THSD4: variants seen among roughly 807,000 people sequenced by gnomAD.
The protein encoded by THSD4 is thrombospondin type-1 domain-containing protein 4.
THSD4 carries 69 observed loss-of-function variants against 119.0 expected under a neutral mutation model. That is an observed-to-expected ratio of 0.58 (90% CI 0.48 to 0.71). The LOEUF (loss-of-function observed/expected upper bound fraction) is 0.71, where lower values mean the gene tolerates loss of function less well. Ranked by LOEUF, THSD4 falls within the 30% of genes least tolerant of loss-of-function variation. The pLI is 0.00. For synonymous variants in THSD4, 524 were observed against 540.4 expected, an observed-to-expected ratio of 0.97 and a Z score of 0.42; for missense variants, 1,393 against 1,391.1, an observed-to-expected ratio of 1.00 and a Z score of -0.02.
At chr15:71,756,779 C>G (rs1427896659) in intron 14 of THSD4, among the ~76,000 whole-genome samples, 1 of 152,082 alleles carries the variant, frequency 6.6e-6, no homozygotes, top group Non-Finnish European at 1.5e-5. Flanking sequence ...AAGCGAGAAC[C>G]TGTCTCGAAA....
intron 7 of THSD4, among the ~76,000 whole-genome samples, chr15:71,566,622 T>G (rs1426196681): frequency 6.6e-6 from 1 of 152,094 alleles, no homozygotes; most frequent in Non-Finnish European, 1.5e-5. Flanking sequence ...TAATTCCCCA[T>G]CCCTACCTTT....
intron 6 of THSD4, among the ~76,000 whole-genome samples, chr15:71,294,759 C>T (rs554379301): frequency 6.6e-6 from 1 of 152,208 alleles, no homozygotes; most frequent in South Asian, 2.1e-4. Context: ...AGATTTCTTT[C>T]CCTTGGCAAA....
chr15:71,718,897 G>A (rs933173552), intron 8 of THSD4, among the ~76,000 whole-genome samples: 1 of 152,184 alleles, frequency 6.6e-6, no homozygotes, highest in African/African-American at 2.4e-5. Context: ...GTATTGGCAT[G>A]TGTCTGACTG....
intron 7 of THSD4, among the ~76,000 whole-genome samples, chr15:71,508,358 C>T (rs956238627): frequency 6.6e-6 from 1 of 152,206 alleles, no homozygotes; most frequent in Admixed American, 6.5e-5. Context: ...GCAGGGAAAC[C>T]TGAGTCCAGC....
chr15:71,577,403 C>T (rs1457345617), intron 7 of THSD4, among the ~76,000 whole-genome samples: 1 of 152,186 alleles, frequency 6.6e-6, no homozygotes, highest in African/African-American at 2.4e-5. Context: ...ACATGTTAAA[C>T]ATGATGGCTA....
intron 1 of THSD4, among the ~76,000 whole-genome samples, chr15:71,129,702 T>C (rs1357798314): frequency 6.6e-6 from 1 of 152,192 alleles, no homozygotes; most frequent in Non-Finnish European, 1.5e-5. Flanking sequence ...GTCAAGGAAG[T>C]CAGACTAATT....
chr15:71,139,820 C>A (rs912613751), intron 1 of THSD4, among the ~76,000 whole-genome samples: 2 of 152,204 alleles, frequency 1.3e-5, no homozygotes, highest in Non-Finnish European at 2.9e-5. Context: ...GAGAACTCCA[C>A]CTTTATTAGA....
intron 8 of THSD4, among the ~76,000 whole-genome samples, chr15:71,703,890 C>T: frequency 6.6e-6 from 1 of 152,144 alleles, no homozygotes; most frequent in Non-Finnish European, 1.5e-5. Flanking sequence ...TGCTCTGTCG[C>T]CCAGGCTGGA....
At chr15:71,640,754 C>T (rs1251691223) in intron 7 of THSD4, among the ~76,000 whole-genome samples, 3 of 152,116 alleles carry the variant, frequency 2.0e-5, no homozygotes, top group Non-Finnish European at 1.5e-5. Context: ...GCTGTTACTG[C>T]CCAGTTTATC....
chr15:71,452,366 T>A (rs4502171), intron 7 of THSD4, among the ~76,000 whole-genome samples: 1 of 151,784 alleles, frequency 6.6e-6, no homozygotes, highest in African/African-American at 2.4e-5. Context: ...CCCCCAGGTG[T>A]TTCTACCCTG....
At chr15:71,378,084 T>A (rs2046174580) in intron 6 of THSD4, among the ~76,000 whole-genome samples, 1 of 152,250 alleles carries the variant, frequency 6.6e-6, no homozygotes, top group South Asian at 2.1e-4. Flanking sequence ...CACAGGGTAC[T>A]GCATCTAAGG....
chr15:71,440,263 A>G (rs923960795), intron 7 of THSD4, among the ~76,000 whole-genome samples: 16 of 152,194 alleles, frequency 1.1e-4, no homozygotes, highest in Non-Finnish European at 1.6e-4. Flanking sequence ...ACAAAACCTC[A>G]ATATAAGCTT....
intron 7 of THSD4, among the ~76,000 whole-genome samples, chr15:71,442,393 A>G (rs535065180): frequency 1.1e-3 from 159 of 149,156 alleles, no homozygotes; most frequent in African/African-American, 3.5e-3. Flanking sequence ...ACATGGTGAA[A>G]CCCTGTCTCT....
intron 7 of THSD4, among the ~76,000 whole-genome samples, chr15:71,600,807 C>T (rs943043068): frequency 4.0e-5 from 6 of 150,156 alleles, no homozygotes; most frequent in South Asian, 2.1e-4. Flanking sequence ...AGTGCTGTGG[C>T]GCAATCTCAG....
chr15:71,196,891 T>A (rs1320937262), intron 3 of THSD4, among the ~76,000 whole-genome samples: 1 of 151,230 alleles, frequency 6.6e-6, no homozygotes, highest in Non-Finnish European at 1.5e-5. Context: ...AGTGGAGGAG[T>A]TGGTTCCAGG....
At chr15:71,224,812 A>C (rs2044001728) in intron 4 of THSD4, among the ~76,000 whole-genome samples, 1 of 151,590 alleles carries the variant, frequency 6.6e-6, no homozygotes, top group Admixed American at 6.6e-5. Flanking sequence ...TTATCCTCCT[A>C]CCTCCCACTT....
intron 16 of THSD4, among the ~76,000 whole-genome samples, chr15:71,765,598 G>A (rs1567142475): frequency 1.3e-5 from 2 of 152,192 alleles, no homozygotes; most frequent in Non-Finnish European, 2.9e-5. Context: ...ATTCAAGGGT[G>A]CTGTTAAAAG....
chr15:71,482,884 G>A (rs1365218888), intron 7 of THSD4, among the ~76,000 whole-genome samples: 3 of 152,144 alleles, frequency 2.0e-5, no homozygotes, highest in East Asian at 3.9e-4. Context: ...ACCACGCCTG[G>A]CCTGTACTGT....
chr15:71,748,998 G>A (rs935713900), intron 14 of THSD4, among the ~76,000 whole-genome samples: 6 of 152,224 alleles, frequency 3.9e-5, no homozygotes, highest in Admixed American at 6.5e-5. Context: ...GGCCTCCCAT[G>A]GGAAGTCTCA....
Sources: gnomAD v4.1 joint callset for allele counts (sites outside exome capture counted in the v4.1 genomes callset) on GRCh38, gnomAD v4.1.1 for gene constraint, MANE v1.5 for transcripts, NCBI Gene and HGNC (gene_info 2026-07-23, HGNC 2026-07-21) for gene names.